Variants in RIMKLB observed in about 807,000 individuals in gnomAD.
RIMKLB encodes the protein beta-citrylglutamate synthase B.
RIMKLB carries 7 observed loss-of-function variants against 32.0 expected under a neutral mutation model. The observed-to-expected ratio is 0.22, with a 90% CI of 0.12 to 0.41. The LOEUF (loss-of-function observed/expected upper bound fraction) is 0.41, where lower values mean the gene tolerates loss of function less well. RIMKLB is among the 10% of genes least tolerant of loss of function. RIMKLB has a pLI of 1.00. For missense variants in RIMKLB, 289 were observed against 498.7 expected (o/e 0.58, Z 4.00); for synonymous variants, 172 against 185.1 (o/e 0.93, Z 0.57).
chr12:8,750,824 A>G (rs1948563597), intron 3 of RIMKLB, among the ~76,000 whole-genome samples: 1 of 152,178 alleles, frequency 6.6e-6, no homozygotes, highest in Non-Finnish European at 1.5e-5. Flanking sequence ...TGCTTTAAAC[A>G]ATATTTTGCT....
At chr12:8,677,524 C>A (rs1337937485), upstream of RIMKLB, among the ~76,000 whole-genome samples, 3 of 152,130 alleles carry the variant, frequency 2.0e-5, no homozygotes, top group African/African-American at 7.2e-5. Context: ...CCTAAGTGAT[C>A]CCCCAGTTCC....
chr12:8,720,633 G>A (rs976259245), intron 2 of RIMKLB, among the ~76,000 whole-genome samples: 1 of 152,090 alleles, frequency 6.6e-6, no homozygotes, highest in African/African-American at 2.4e-5. Flanking sequence ...CCTCTGTCTC[G>A]GGTTCAAGCG....
chr12:8,692,134 T>C (rs2136579466), intron 1 of RIMKLB, among the ~76,000 whole-genome samples: 1 of 152,296 alleles, frequency 6.6e-6, no homozygotes, highest in East Asian at 1.9e-4. Flanking sequence ...ACTTCTAAGA[T>C]CCTCCCAAAG....
intron 2 of RIMKLB, among the ~76,000 whole-genome samples, chr12:8,717,974 G>A (rs757134242): frequency 4.5e-4 from 69 of 152,064 alleles, no homozygotes; most frequent in Admixed American, 2.6e-4. Context: ...CACTGTCCTT[G>A]GGCTAGCAGA....
intron 2 of RIMKLB, among the ~76,000 whole-genome samples, chr12:8,749,357 C>A (rs985050438): frequency 1.3e-5 from 2 of 152,018 alleles, no homozygotes; most frequent in South Asian, 2.1e-4. Context: ...ATTAGAGGTG[C>A]CTGCCACCAC....
chr12:8,777,377 T>TTTTAG (rs1950798669), downstream of RIMKLB: 1 of 984,632 alleles, frequency 1.0e-6, no homozygotes, highest in African/African-American at 1.7e-5. Flanking sequence ...TTTGAAATGT[T>TTTTAG]TTTAGTTTTG....
At chr12:8,750,403 C>T (rs1468321998) in intron 3 of RIMKLB, among the ~76,000 whole-genome samples, 1 of 152,138 alleles carries the variant, frequency 6.6e-6, no homozygotes, top group Non-Finnish European at 1.5e-5. Context: ...AAATGAGTAG[C>T]TTTGTTCCGA....
rs1950692586 is a variant in RIMKLB, at chr12:8,775,793, G to A, written c.*2009G>A. The stretch of plus-strand genomic sequence containing the variant: ...GTGCAGTGTCTCATTTCACCTCAGA[G>A]AAAAGGATACATAAGAGGAGTTTGT... On this transcript the variant is annotated 3_prime_UTR_variant, in exon 6 of 6. Coordinates refer to ENST00000535829, the MANE Select transcript of RIMKLB (RefSeq NM_001297776.2). The A allele has an allele frequency of 1.0e-6, 1 of 985,230 alleles. No homozygotes were observed. Among genetic ancestry groups the A allele is most frequent in the South Asian group, 4.7e-5 (1 of 21,284 alleles). 61.0% of individuals were successfully genotyped at this position (985,230 alleles called of 1,614,324 possible).
At chr12:8,725,076 A>G (rs942060087) in intron 2 of RIMKLB, among the ~76,000 whole-genome samples, 2 of 152,162 alleles carry the variant, frequency 1.3e-5, no homozygotes, top group Non-Finnish European at 2.9e-5. Context: ...CTGTGAGATG[A>G]CAAACACTGG....
chr12:8,675,657 G>A, the RIMKLB span, among the ~76,000 whole-genome samples: 1 of 152,198 alleles, frequency 6.6e-6, no homozygotes. Context: ...GAAGTTAAGG[G>A]TTCATTTATA....
intron 5 of RIMKLB, among the ~76,000 whole-genome samples, chr12:8,761,906 G>T (rs1218991966): frequency 6.6e-6 from 1 of 152,194 alleles, no homozygotes; most frequent in Non-Finnish European, 1.5e-5. Flanking sequence ...GGGCTAGCAG[G>T]CCGGTCCAGG....
At chr12:8,727,280 G>T (rs1946113546) in intron 2 of RIMKLB, among the ~76,000 whole-genome samples, 1 of 152,150 alleles carries the variant, frequency 6.6e-6, no homozygotes, top group Non-Finnish European at 1.5e-5. Flanking sequence ...TGTTGCCCAG[G>T]CTGGAGTGCA....
chr12:8,749,485 G>A lies in RIMKLB; in HGVS notation c.176-377G>A, dbSNP rs149303986. On this transcript the variant is annotated intron_variant, in intron 2 of 5. Coordinates refer to ENST00000535829, the MANE Select transcript of RIMKLB (RefSeq NM_001297776.2). ...TGGCATCCCAAAGTGTTGGGATTAC[G>A]GCATGAGCCACTGCACCCGGCCCAC... 1.6e-4 allele frequency among the ~76,000 whole-genome samples: 24 copies of A among 152,262 alleles called. No homozygotes were observed. In the East Asian group the frequency reaches 4.0e-3, roughly 26 times the overall value.
chr12:8,753,181 G>A (rs1438176787), intron 4 of RIMKLB, among the ~76,000 whole-genome samples: 1 of 152,218 alleles, frequency 6.6e-6, no homozygotes, highest in East Asian at 1.9e-4. Flanking sequence ...TTCTCCAGTA[G>A]AGCAGCCAAG....
In RIMKLB at chr12:8,749,868, G is replaced by A. The variant is rs1948474505; in HGVS notation, c.182G>A (p.Arg61Gln). The part of the protein sequence containing the change: ...LTIEQGNLGL[R>Q]INGELITAYP... ...TTGTATTTATATATTTCAGGTCTGCGGATCAATGGAGAGCTAATCACTGCC... is the reference window on the plus strand; with the variant it reads ...TTGTATTTATATATTTCAGGTCTGCAGATCAATGGAGAGCTAATCACTGCC... The change falls in exon 3 of 6, where the codon CGG becomes CAG. Residue 61 changes from arginine (R) to glutamine (Q), a missense_variant. By Grantham distance (43) the Arg-to-Gln change is conservative. Around this residue, in one of 3 missense-constraint regions of RIMKLB, gnomAD observed 156 missense variants for 329.5 expected, o/e 0.47. Transcript: ENST00000535829. 4 of 1,594,244 alleles carry A rather than the reference G, an allele frequency of 2.5e-6. No homozygotes were observed. The highest frequency in any genetic ancestry group is 3.4e-6 in the Non-Finnish European group (4 of 1,163,464).
chr12:8,670,550 G>C, the RIMKLB span, among the ~76,000 whole-genome samples: 10 of 152,206 alleles, frequency 6.6e-5, no homozygotes, highest in Non-Finnish European at 1.5e-4. Context: ...CCATGGTCTT[G>C]GGCAGCTCTG....
upstream of RIMKLB, chr12:8,697,681 C>A: frequency 6.6e-6 from 2 of 301,766 alleles, no homozygotes. Flanking sequence ...CTCGCGCTCC[C>A]TTTTCGCTCC....
In RIMKLB at chr12:8,774,572, C is replaced by CTTT; in HGVS notation, c.*802_*804dup. ...TGAAAGATGTGCTCTGTTAATGTTGCTTTTTTTTTTTTTTTTAATACATGC... is the reference window on the plus strand; with the variant it reads ...TGAAAGATGTGCTCTGTTAATGTTGCTTTTTTTTTTTTTTTTTTTAATACATGC... On this transcript the variant is annotated 3_prime_UTR_variant, in exon 6 of 6. Transcript: ENST00000535829. The CTTT allele has an allele frequency of 6.7e-6, 6 of 889,786 alleles. No individual in the cohort carries two copies. Among genetic ancestry groups the CTTT allele is most frequent in the East Asian group, 1.4e-4 (1 of 7,024 alleles). 55.1% of individuals were successfully genotyped at this position (889,786 alleles called of 1,614,324 possible). A position where few individuals can be genotyped will look rare whatever the true frequency, so the allele number is the denominator to read the frequency against.
At chr12:8,672,517 G>GAGGA in the RIMKLB span, among the ~76,000 whole-genome samples, 1 of 152,140 alleles carries the variant, frequency 6.6e-6, no homozygotes, top group African/African-American at 2.4e-5. Context: ...AAGAGAGAAT[G>GAGGA]AGGAAGAAGC....
Sources: gnomAD v4.1 joint callset for allele counts (sites outside exome capture counted in the v4.1 genomes callset) on GRCh38, gnomAD v4.1.1 for gene constraint, gnomAD v4.1.1 regional missense constraint, MANE v1.5 for transcripts, NCBI Gene and HGNC (gene_info 2026-07-23, HGNC 2026-07-21) for gene names.